The following CPNE5 variants were observed in gnomAD, a reference collection of about 807,000 sequenced individuals.
CPNE5 encodes copine 5, also known as copine-5.
Under a neutral mutation model 81.1 loss-of-function variants are expected in CPNE5, and 42 were observed. The ratio of observed to expected loss-of-function variants is 0.52; its 90% CI spans 0.40 to 0.67. The LOEUF (loss-of-function observed/expected upper bound fraction) is 0.67, where lower values mean the gene tolerates loss of function less well. Ranked by LOEUF, CPNE5 falls within the 30% of genes least tolerant of loss-of-function variation. The pLI, the probability that CPNE5 is intolerant of heterozygous loss-of-function variation, is 0.00. For missense variants in CPNE5, 612 were observed against 815.5 expected, an observed-to-expected ratio of 0.75 and a Z score of 3.04; for synonymous variants, 313 against 321.5, an observed-to-expected ratio of 0.97 and a Z score of 0.28.
chr6:36,832,605 A>T (rs985879185), intron 1 of CPNE5, among the ~76,000 whole-genome samples: 6 of 152,242 alleles, frequency 3.9e-5, no homozygotes, highest in African/African-American at 1.4e-4. Context: ...TACAAAGACG[A>T]CTGGGTCCTT....
intron 8 of CPNE5, among the ~76,000 whole-genome samples, chr6:36,783,197 A>G (rs574940723): frequency 6.6e-6 from 1 of 152,232 alleles, no homozygotes; most frequent in South Asian, 2.1e-4. Flanking sequence ...ACAGAGGGGA[A>G]CAACACACAC....
intron 1 of CPNE5, among the ~76,000 whole-genome samples, chr6:36,835,051 G>C (rs1430516948): frequency 6.6e-6 from 1 of 152,168 alleles, no homozygotes; most frequent in African/African-American, 2.4e-5. Context: ...CTGCCCACCA[G>C]CCCCATACCA....
At chr6:36,745,238 G>C in intron 17 of CPNE5, 88 bp from the exon 18 acceptor site, 1 of 1,429,960 alleles carries the variant, frequency 7.0e-7, no homozygotes, top group Non-Finnish European at 9.7e-7. Context: ...ACTTTGGAGG[G>C]TGACAGCTCT....
Position 36,798,233 on chromosome 6 carries a change from CAGGAAATCCTGCATATCCAGGGAA to C in CPNE5, c.328-16_335del. ...CTCCAAGGGTGCAGAAGGCCTGGCC[CAGGAAATCCTGCATATCCAGGGAA>C]CAGAAGAGACCAGTGTCACCCACTC... On this transcript the variant is annotated splice_acceptor_variant and splice_polypyrimidine_tract_variant and coding_sequence_variant and intron_variant, in exon 6 of 21. Coordinates refer to ENST00000244751, the MANE Select transcript of CPNE5 (RefSeq NM_020939.2). LOFTEE classifies it high-confidence loss of function. The C allele has an allele frequency of 6.2e-7, 1 of 1,613,354 alleles. No homozygotes were observed. The highest frequency in any genetic ancestry group is 8.5e-7 in the Non-Finnish European group (1 of 1,179,706).
chr6:36,760,234 C>G (rs1184258527), intron 12 of CPNE5, among the ~76,000 whole-genome samples: 1 of 120,294 alleles, frequency 8.3e-6, no homozygotes, highest in Non-Finnish European at 1.8e-5. Flanking sequence ...AAAAAAAAAG[C>G]ACGCATACAC....
intron 8 of CPNE5, among the ~76,000 whole-genome samples, chr6:36,779,474 T>G (rs1035417500): frequency 6.6e-6 from 1 of 152,164 alleles, no homozygotes; most frequent in Non-Finnish European, 1.5e-5. Context: ...TCTGGCCACA[T>G]TGCCTCACCA....
rs1161102536 is a variant in CPNE5 at position 36,766,850 on chromosome 6, T to TTTTG, written c.738-1478_738-1475dup. On this transcript the variant is annotated intron_variant, in intron 10 of 20. Transcript: ENST00000244751. The surrounding 1 kb of genome is among the most constrained non-coding windows in gnomAD (Gnocchi z 4.2). ...ATCATTTGGCCGCGCTCTGATAGGT[T>TTTTG]TTTGTTTGTTTGTTTGCTTGTTTGA... 1.3e-5 allele frequency among the ~76,000 whole-genome samples: 2 copies of TTTTG among 152,116 alleles called. No homozygotes were observed. The highest frequency in any genetic ancestry group is 1.9e-4 in the East Asian group (1 of 5,196).
chr6:36,792,009 G>T (rs1769139970), intron 8 of CPNE5, 24 bp downstream of exon 8: 1 of 1,609,304 alleles, frequency 6.2e-7, no homozygotes, highest in African/African-American at 1.3e-5. Flanking sequence ...ACCACGTCCT[G>T]TGCTGGAGTC....
intron 12 of CPNE5, among the ~76,000 whole-genome samples, chr6:36,762,634 G>A (rs1341344868): frequency 6.6e-6 from 1 of 152,156 alleles, no homozygotes; most frequent in African/African-American, 2.4e-5. Context: ...TATCTCTCTT[G>A]CTTGTGAGAA....
chr6:36,762,855 A>G, intron 12 of CPNE5, 62 bp downstream of exon 12: 1 of 1,330,906 alleles, frequency 7.5e-7, no homozygotes, highest in East Asian at 2.3e-5. Flanking sequence ...ATGGCTCACT[A>G]CAGTCCTCAG....
intron 6 of CPNE5, among the ~76,000 whole-genome samples, chr6:36,797,156 TTGGC>T (rs1333800905): frequency 2.0e-5 from 3 of 152,232 alleles, no homozygotes; most frequent in Non-Finnish European, 4.4e-5. Context: ...ATCCATCGCC[TTGGC>T]CTCCCAAAGT....
At chr6:36,767,401 C>T (rs1049116735) in intron 10 of CPNE5, among the ~76,000 whole-genome samples, 4 of 152,198 alleles carry the variant, frequency 2.6e-5, no homozygotes, top group African/African-American at 9.7e-5. Flanking sequence ...AAATTGAGCC[C>T]TAAGAGCCTC....
intron 11 of CPNE5, among the ~76,000 whole-genome samples, chr6:36,764,790 T>C (rs968354160): frequency 1.3e-5 from 2 of 152,020 alleles, no homozygotes; most frequent in East Asian, 3.9e-4. Flanking sequence ...CACAGCCCAT[T>C]CCCTCAGTCC....
Position 36,828,308 on chromosome 6 carries a change from CAAA to C in CPNE5, c.96-5213_96-5211del, listed in dbSNP as rs11444450. Among the ~76,000 whole-genome samples the C allele has an allele frequency of 2.3e-3, 180 of 78,610 alleles. 1 individual carries two copies. Among genetic ancestry groups the C allele is most frequent in the African/African-American group, 7.7e-3 (163 of 21,150 alleles). The allele number at this position is 78,610 out of a possible 152,430, so 51.6% of individuals were successfully genotyped here. Reference sequence around the variant, plus strand: ...CATCTCTAAAACAACAACAACAAACCAAAAAAAAAAAAAAAAAAAAAGAAAGGT... The same window carrying C: ...CATCTCTAAAACAACAACAACAAACCAAAAAAAAAAAAAAAAAAGAAAGGT... On this transcript the variant is annotated intron_variant, in intron 1 of 20. Transcript: ENST00000244751.
intron 6 of CPNE5, among the ~76,000 whole-genome samples, chr6:36,797,711 C>T (rs940698336): frequency 7.9e-5 from 12 of 152,270 alleles, no homozygotes; most frequent in Non-Finnish European, 1.3e-4. Context: ...CAGGATGGGA[C>T]GGGAGGAGCC....
At chr6:36,774,813 T>C in intron 10 of CPNE5, 148 bp downstream of exon 10, 1 of 640,784 alleles carries the variant, frequency 1.6e-6, no homozygotes, top group Non-Finnish European at 2.8e-6. Context: ...CCCCAGCCTG[T>C]GCAGGGCACC....
chr6:36,768,847 G>T (rs558418323), intron 10 of CPNE5, among the ~76,000 whole-genome samples: 44 of 152,344 alleles, frequency 2.9e-4, no homozygotes, highest in South Asian at 6.2e-4. Context: ...GCCCTGGCTG[G>T]CAGTCTCAGC....
chr6:36,815,796 C>CA (rs970075056), intron 3 of CPNE5, among the ~76,000 whole-genome samples: 1 of 152,214 alleles, frequency 6.6e-6, no homozygotes, highest in African/African-American at 2.4e-5. Context: ...TAATTCTCCT[C>CA]AAAAAAGAGA....
At chr6:36,810,467 G>C (rs1467584237) in intron 3 of CPNE5, among the ~76,000 whole-genome samples, 1 of 152,200 alleles carries the variant, frequency 6.6e-6, no homozygotes, top group Non-Finnish European at 1.5e-5. Context: ...AGGCCAGAAA[G>C]CTACCTGACT....
Sources: allele counts gnomAD v4.1 joint callset (sites outside exome capture counted in the v4.1 genomes callset), GRCh38; gene constraint gnomAD v4.1.1; non-coding constraint Gnocchi (gnomAD v3.1); transcripts MANE v1.5; gene names NCBI Gene and HGNC (gene_info 2026-07-23, HGNC 2026-07-21).